Variants in CMIP observed in about 807,000 individuals in gnomAD.
The protein encoded by CMIP is c-Maf inducing protein.
In CMIP, 13 loss-of-function variants were observed where a neutral mutation model predicts 97.3. That is an observed-to-expected ratio of 0.13 (90% CI 0.09 to 0.21). The LOEUF is 0.21. Ranked by LOEUF, CMIP falls within the 10% of genes least tolerant of loss-of-function variation. The probability of loss-of-function intolerance (pLI) is 1.00; values close to 1 mark genes in which losing one functional copy is unlikely to be tolerated. For missense variants in CMIP, 847 were observed against 1,024.9 expected (o/e 0.83, Z 2.37); for synonymous variants, 538 against 436.3 (o/e 1.23, Z -2.91).
rs955166700 is a variant in CMIP at position 81,645,456 on chromosome 16, C to T, written c.478-6747C>T. On this transcript the variant is annotated intron_variant, in intron 3 of 20. Coordinates refer to ENST00000537098, the MANE Select transcript of CMIP (RefSeq NM_198390.3). Reference sequence around the variant, plus strand: ...TGCTTCCAGTGCATTCTGAGTCACTCCTCTCCTGGCAAGGGGCACATTCCT... The same window carrying T: ...TGCTTCCAGTGCATTCTGAGTCACTTCTCTCCTGGCAAGGGGCACATTCCT... The T allele has an allele frequency of 3.3e-6, 5 of 1,524,362 alleles. No individual in the cohort carries two copies. The African/African-American group carries it at 6.9e-5, about 21-fold the overall frequency. The allele number at this position is 1,524,362 out of a possible 1,614,324, so 94.4% of individuals were successfully genotyped here. A position where few individuals can be genotyped will look rare whatever the true frequency, so the allele number is the denominator to read the frequency against.
intron 8 of CMIP, among the ~76,000 whole-genome samples, chr16:81,671,511 A>G (rs2092682803): frequency 1.3e-5 from 2 of 152,268 alleles, no homozygotes; most frequent in Middle Eastern, 3.2e-3. Flanking sequence ...AAGTAAAATG[A>G]GGTGTTAGGA....
At chr16:81,691,158 T>G (rs1197848915) in intron 10 of CMIP, among the ~76,000 whole-genome samples, 1 of 152,306 alleles carries the variant, frequency 6.6e-6, no homozygotes, top group Admixed American at 6.5e-5. Context: ...CATAGCTTAC[T>G]CAACAAACAT....
intron 1 of CMIP, among the ~76,000 whole-genome samples, chr16:81,574,163 C>T (rs745841507): frequency 1.8e-4 from 27 of 152,236 alleles, no homozygotes; most frequent in Non-Finnish European, 3.8e-4. Flanking sequence ...CATCGTAGTA[C>T]GTTCTGTTGG....
chr16:81,455,314 A>G (rs1275673657), intron 1 of CMIP, among the ~76,000 whole-genome samples: 1 of 152,166 alleles, frequency 6.6e-6, no homozygotes, highest in Non-Finnish European at 1.5e-5. Flanking sequence ...TTTATCAGTG[A>G]TCCGTACAAC....
At chr16:81,456,070 T>C (rs1360633333) in intron 1 of CMIP, among the ~76,000 whole-genome samples, 1 of 152,204 alleles carries the variant, frequency 6.6e-6, no homozygotes, top group Admixed American at 6.5e-5. Flanking sequence ...TTTGTCGCCC[T>C]GGTTGGTTCA....
chr16:81,703,899 C>A, intron 17 of CMIP, 40 bp from the exon 18 acceptor site: 3 of 1,569,670 alleles, frequency 1.9e-6, no homozygotes, highest in Admixed American at 3.5e-5. Flanking sequence ...CTCGGGAACT[C>A]CCAGCAGCAC....
intron 1 of CMIP, among the ~76,000 whole-genome samples, chr16:81,562,178 A>G (rs777908451): frequency 6.6e-6 from 1 of 152,224 alleles, no homozygotes; most frequent in Non-Finnish European, 1.5e-5. Context: ...GTTGTAAGTT[A>G]CATTGAGTGA....
chr16:81,684,509 G>T (rs1316622611), intron 10 of CMIP, among the ~76,000 whole-genome samples: 1 of 152,256 alleles, frequency 6.6e-6, no homozygotes, highest in Non-Finnish European at 1.5e-5. Flanking sequence ...GGCTCTGGTT[G>T]AGGTGGCATC....
chr16:81,701,887 C>T, intron 16 of CMIP, 87 bp downstream of exon 16: 4 of 1,500,150 alleles, frequency 2.7e-6, no homozygotes, highest in Non-Finnish European at 2.7e-6. Context: ...GTACTTGGAC[C>T]TGAGTGGACC....
At chr16:81,566,439 A>G (rs1301299115) in intron 1 of CMIP, among the ~76,000 whole-genome samples, 1 of 152,168 alleles carries the variant, frequency 6.6e-6, no homozygotes, top group South Asian at 2.1e-4. Context: ...GTGCCCACCC[A>G]TGCTACACTG....
In CMIP at chr16:81,621,024, A is replaced by C. The variant is rs569673186; in HGVS notation, c.477+98A>C. 4.7e-6 allele frequency: 7 copies of C among 1,491,226 alleles called. No individual in the cohort carries two copies. The highest frequency in any genetic ancestry group is 1.4e-5 in the African/African-American group (1 of 72,538). 92.4% of individuals were successfully genotyped at this position (1,491,226 alleles called of 1,614,324 possible). On this transcript the variant is annotated intron_variant, in intron 3 of 20. Transcript: ENST00000537098. This position sits in a 1 kb window ranked among gnomAD's most constrained non-coding sequence, Gnocchi z 4.1. ...CCAGAGGCATGAAAGTGGAGAACTC[A>C]TGCCTTCCAGATGGCTCAGCTGAGG...
rs1481949866 is a variant in CMIP, at chr16:81,621,333, C to G, written c.477+407C>G. On this transcript the variant is annotated intron_variant, in intron 3 of 20. Transcript: ENST00000537098. The surrounding 1 kb of genome is among the most constrained non-coding windows in gnomAD (Gnocchi z 4.1). ...TAACAGAGATTCAAAATCCTGAGCC[C>G]TATTTCTGTAGTCTTCACTGATTTT... 2 of 171,082 alleles carry G rather than the reference C, an allele frequency of 1.2e-5. No individual in the cohort carries two copies. The highest frequency in any genetic ancestry group is 1.1e-4 in the Admixed American group (2 of 18,128). The allele number at this position is 171,082 out of a possible 1,614,324, so 10.6% of individuals were successfully genotyped here.
At position 81,706,652 on chromosome 16, in the gene CMIP, C is replaced by CG. The variant is rs572497009; in HGVS notation, c.2198-356dup. ...AGAAGCAGCACCGAGTCAATGACGA[C>CG]GGGGGGACCATCCGGGGTTCCCTTA... is the stretch of plus-strand genomic sequence containing the variant. On this transcript the variant is annotated intron_variant, in intron 19 of 20. Coordinates refer to ENST00000537098, the MANE Select transcript of CMIP (RefSeq NM_198390.3). Among the ~76,000 whole-genome samples, 295 of 152,266 alleles carry CG rather than the reference C, an allele frequency of 1.9e-3. 1 individual carries two copies. The highest frequency in any genetic ancestry group is 6.9e-3 in the African/African-American group (287 of 41,558).
chr16:81,469,533 A>C (rs970907235), intron 1 of CMIP, among the ~76,000 whole-genome samples: 2 of 152,166 alleles, frequency 1.3e-5, no homozygotes, highest in African/African-American at 2.4e-5. Flanking sequence ...TGTCATTGCT[A>C]CTGTTACCAA....
chr16:81,449,666 AT>A (rs781671497), intron 1 of CMIP, among the ~76,000 whole-genome samples: 20 of 98,432 alleles, frequency 2.0e-4, no homozygotes, highest in South Asian at 5.4e-4. Context: ...AAACACACAG[AT>A]TTCCCCCCCC....
intron 8 of CMIP, among the ~76,000 whole-genome samples, chr16:81,670,633 G>GCA (rs2092674693): frequency 8.3e-6 from 1 of 121,168 alleles, no homozygotes; most frequent in Non-Finnish European, 1.8e-5. Context: ...GGGGGGGGGG[G>GCA]GTGGTTGCTT....
chr16:81,476,159 A>T, intron 1 of CMIP: 1 of 1,130,534 alleles, frequency 8.8e-7, no homozygotes. Flanking sequence ...GCGTTCAACC[A>T]CTCAGTCTTG....
At chr16:81,591,456 A>T (rs146342017) in intron 1 of CMIP, among the ~76,000 whole-genome samples, 5 of 152,204 alleles carry the variant, frequency 3.3e-5, no homozygotes, top group African/African-American at 1.2e-4. Context: ...CCTTCTTTCC[A>T]TACTGGCATC....
At chr16:81,491,724 C>T (rs763107831) in intron 1 of CMIP, among the ~76,000 whole-genome samples, 2 of 152,202 alleles carry the variant, frequency 1.3e-5, no homozygotes, top group African/African-American at 2.4e-5. Flanking sequence ...TCATTTGGCA[C>T]CCTTCCCTGT....
Sources: gnomAD v4.1 joint callset for allele counts (sites outside exome capture counted in the v4.1 genomes callset) on GRCh38, gnomAD v4.1.1 for gene constraint, Gnocchi (gnomAD v3.1) non-coding constraint, MANE v1.5 for transcripts, NCBI Gene and HGNC (gene_info 2026-07-23, HGNC 2026-07-21) for gene names.